The following IQCM variants were observed in gnomAD, a reference collection of about 807,000 sequenced individuals.
IQCM encodes IQ motif containing M.
In IQCM, 45 loss-of-function variants were observed where a neutral mutation model predicts 57.6. The observed-to-expected ratio is 0.78, with a 90% CI of 0.62 to 1.00. The LOEUF is 1.00. Among genes scored for constraint, IQCM ranks in the 50% least tolerant of loss-of-function variants. IQCM has a pLI of 0.00. For missense variants in IQCM, 468 were observed against 511.6 expected, an observed-to-expected ratio of 0.91 and a Z score of 0.82; for synonymous variants, 148 against 158.9, an observed-to-expected ratio of 0.93 and a Z score of 0.51.
chr4:149,781,663 T>C (rs548702860), intron 2 of IQCM, among the ~76,000 whole-genome samples: 7 of 152,322 alleles, frequency 4.6e-5, no homozygotes, highest in African/African-American at 1.7e-4. Flanking sequence ...ACATGGTATA[T>C]ATAGGATTCA....
At chr4:149,443,734 G>C (rs1310400469) in intron 12 of IQCM, among the ~76,000 whole-genome samples, 1 of 148,046 alleles carries the variant, frequency 6.8e-6, no homozygotes, top group East Asian at 2.0e-4. Context: ...GAAAGGAAAG[G>C]AAAGGAAAGG....
At chr4:149,665,225 C>T (rs1760606670) in intron 7 of IQCM, among the ~76,000 whole-genome samples, 1 of 152,096 alleles carries the variant, frequency 6.6e-6, no homozygotes, top group Non-Finnish European at 1.5e-5. Flanking sequence ...TAAACATGGG[C>T]CCCTACCCCA....
At chr4:149,403,339 T>C (rs1462388935) in intron 13 of IQCM, among the ~76,000 whole-genome samples, 1 of 151,998 alleles carries the variant, frequency 6.6e-6, no homozygotes, top group Non-Finnish European at 1.5e-5. Flanking sequence ...TATTTTCTCT[T>C]CTGCAATAAA....
chr4:149,375,360 G>A (rs985507181), intron 13 of IQCM, among the ~76,000 whole-genome samples: 17 of 152,100 alleles, frequency 1.1e-4, no homozygotes, highest in Non-Finnish European at 2.1e-4. Flanking sequence ...AGAAGGAAGG[G>A]AGGAAGCAGA....
At chr4:149,407,666 C>T (rs1235134748) in intron 13 of IQCM, among the ~76,000 whole-genome samples, 1 of 152,048 alleles carries the variant, frequency 6.6e-6, no homozygotes, top group Non-Finnish European at 1.5e-5. Context: ...CTTTGTTATG[C>T]CTGAGTTGTA....
At chr4:149,686,345 A>G (rs1384493168) in intron 6 of IQCM, 33 bp downstream of exon 6, 5 of 1,012,572 alleles carry the variant, frequency 4.9e-6, no homozygotes, top group Admixed American at 4.3e-5. Flanking sequence ...AAGAAAATAT[A>G]TATTTTCTAT....
chr4:149,436,383 A>G (rs1735367726), intron 12 of IQCM, among the ~76,000 whole-genome samples: 1 of 152,142 alleles, frequency 6.6e-6, no homozygotes, highest in African/African-American at 2.4e-5. Context: ...ATAGAAACAC[A>G]TGAAGTCAAT....
intron 8 of IQCM, among the ~76,000 whole-genome samples, chr4:149,608,123 T>C (rs973609937): frequency 6.6e-6 from 1 of 151,914 alleles, no homozygotes; most frequent in African/African-American, 2.4e-5. Flanking sequence ...TAGGAATGGC[T>C]ATACTTATCA....
intron 12 of IQCM, among the ~76,000 whole-genome samples, chr4:149,519,345 G>A (rs1745345205): frequency 6.6e-6 from 1 of 152,192 alleles, no homozygotes; most frequent in Non-Finnish European, 1.5e-5. Flanking sequence ...TTCTTGGCCG[G>A]GCGCGGTGGC....
intron 13 of IQCM, among the ~76,000 whole-genome samples, chr4:149,370,481 G>A (rs1730287268): frequency 6.6e-6 from 1 of 151,528 alleles, no homozygotes; most frequent in South Asian, 2.1e-4. Context: ...TCCGCCCAGA[G>A]GACCAATAAT....
At chr4:149,361,288 T>A (rs1287735414) in intron 13 of IQCM, among the ~76,000 whole-genome samples, 3 of 152,080 alleles carry the variant, frequency 2.0e-5, no homozygotes, top group African/African-American at 7.2e-5. Context: ...GCAGCCTGAG[T>A]ATGCAATAGA....
intron 7 of IQCM, among the ~76,000 whole-genome samples, chr4:149,640,196 C>T (rs1404108848): frequency 2.0e-5 from 3 of 152,076 alleles, no homozygotes; most frequent in Admixed American, 6.6e-5. Flanking sequence ...TTATGGAGTG[C>T]TTGAGATATT....
At chr4:149,739,453 A>G (rs1441998224) in intron 3 of IQCM, among the ~76,000 whole-genome samples, 1 of 125,688 alleles carries the variant, frequency 8.0e-6, no homozygotes, top group Non-Finnish European at 1.6e-5. Flanking sequence ...CTTTTCCCCA[A>G]CAGTGTTTAT....
chr4:149,694,146 T>G (rs984693796), intron 5 of IQCM, among the ~76,000 whole-genome samples: 1 of 152,112 alleles, frequency 6.6e-6, no homozygotes, highest in Non-Finnish European at 1.5e-5. Context: ...AATAAGACAT[T>G]TAATACCTCT....
intron 2 of IQCM, among the ~76,000 whole-genome samples, chr4:149,746,817 G>A (rs1290969966): frequency 6.6e-6 from 1 of 152,188 alleles, no homozygotes; most frequent in Admixed American, 6.5e-5. Flanking sequence ...GAAATCAACT[G>A]CATGGGCAAG....
intron 12 of IQCM, among the ~76,000 whole-genome samples, chr4:149,523,289 G>A (rs1429829455): frequency 2.0e-5 from 3 of 151,820 alleles, no homozygotes; most frequent in Non-Finnish European, 4.4e-5. Flanking sequence ...CAAATTTTGG[G>A]GAAATACATT....
chr4:149,777,260 C>T (rs1254674755), intron 2 of IQCM, among the ~76,000 whole-genome samples: 1 of 152,186 alleles, frequency 6.6e-6, no homozygotes, highest in Non-Finnish European at 1.5e-5. Context: ...TTTGTCTCTG[C>T]TTCTACTCTT....
At chr4:149,554,599 C>A (rs1749367392) in intron 10 of IQCM, among the ~76,000 whole-genome samples, 1 of 151,858 alleles carries the variant, frequency 6.6e-6, no homozygotes, top group Non-Finnish European at 1.5e-5. Flanking sequence ...CAGGCATGAG[C>A]CACCGCACCT....
intron 13 of IQCM, among the ~76,000 whole-genome samples, chr4:149,396,540 G>A (rs576162955): frequency 1.4e-4 from 22 of 151,986 alleles, no homozygotes; most frequent in African/African-American, 4.6e-4. Flanking sequence ...TATAGAGTAG[G>A]TCATTATTGT....
Sources: gnomAD v4.1 joint callset for allele counts (sites outside exome capture counted in the v4.1 genomes callset) on GRCh38, gnomAD v4.1.1 for gene constraint, MANE v1.5 for transcripts, NCBI Gene and HGNC (gene_info 2026-07-23, HGNC 2026-07-21) for gene names.